The following CCDC141 variants were observed in gnomAD, a reference collection of about 807,000 sequenced individuals.
CCDC141 encodes the protein coiled-coil domain-containing protein 141.
CCDC141 carries 168 observed loss-of-function variants against 181.0 expected under a neutral mutation model. The observed-to-expected ratio is 0.93, with a 90% CI of 0.82 to 1.05. The LOEUF is 1.05. CCDC141 is among the 50% of genes least tolerant of loss of function. CCDC141 has a pLI of 0.00. For synonymous variants in CCDC141, 666 were observed against 642.3 expected (o/e 1.04, Z -0.56); for missense variants, 1,902 against 1,788.5 (o/e 1.06, Z -1.14).
intron 21 of CCDC141, among the ~76,000 whole-genome samples, chr2:178,847,092 A>C (rs901426697): frequency 6.6e-6 from 1 of 152,216 alleles, no homozygotes; most frequent in Admixed American, 6.5e-5. Context: ...GCTGATGCCT[A>C]TTTCTCTTGC....
At chr2:178,825,777 T>C (rs1684113549), downstream of CCDC141, among the ~76,000 whole-genome samples, 1 of 152,168 alleles carries the variant, frequency 6.6e-6, no homozygotes, top group Non-Finnish European at 1.5e-5. Context: ...AGATGCCTGA[T>C]CACTGCACTG....
chr2:179,013,412 T>C (rs564519925), intron 2 of CCDC141, among the ~76,000 whole-genome samples: 2 of 150,868 alleles, frequency 1.3e-5, no homozygotes, highest in African/African-American at 4.9e-5. Flanking sequence ...AACCAAGGAG[T>C]CAAAAGACCA....
chr2:178,915,095 C>T (rs1478727419), intron 7 of CCDC141, among the ~76,000 whole-genome samples: 2 of 151,914 alleles, frequency 1.3e-5, no homozygotes, highest in Non-Finnish European at 2.9e-5. Flanking sequence ...ATTACCTGAG[C>T]CCCGGAGGTC....
chr2:178,998,590 G>A (rs1017393267), intron 2 of CCDC141, among the ~76,000 whole-genome samples: 2 of 151,728 alleles, frequency 1.3e-5, no homozygotes, highest in Non-Finnish European at 2.9e-5. Flanking sequence ...ACCTCATTTT[G>A]GTCAACGCCA....
rs1449693492 is a variant in CCDC141 at position 178,918,869 on chromosome 2, T to G, written c.936A>C (p.Ala312=). ...AGTCCTTTGACAGCAGAATTCTCAG[T>G]GCCTCACTCTTCAGCTTCTCAACAG... ...NSAVEKLKSE[A]LRILLSKDYV... Residue 312 remains alanine, a synonymous_variant, in exon 7 of 24, where the codon GCA becomes GCC. Coordinates refer to ENST00000443758, the MANE Select transcript of CCDC141 (RefSeq NM_173648.4). 6.4e-7 allele frequency: 1 copy of G among 1,550,706 alleles called. No individual in the cohort carries two copies. Among genetic ancestry groups the G allele is most frequent in the Non-Finnish European group, 8.7e-7 (1 of 1,146,994 alleles).
At chr2:178,820,713 A>G in the CCDC141 span, among the ~76,000 whole-genome samples, 1 of 152,212 alleles carries the variant, frequency 6.6e-6, no homozygotes, top group Admixed American at 6.5e-5. Context: ...AAGCATTAGA[A>G]ATGTGTTAAA....
intron 17 of CCDC141, among the ~76,000 whole-genome samples, chr2:178,861,456 T>C (rs373315641): frequency 1.3e-5 from 2 of 151,880 alleles, no homozygotes; most frequent in East Asian, 3.9e-4. Flanking sequence ...GCCAACATGG[T>C]GAAACCCCAT....
chr2:179,015,286 C>CATATATTTCATCTATATCAT (rs1553502895), intron 2 of CCDC141, among the ~76,000 whole-genome samples: 1 of 120,860 alleles, frequency 8.3e-6, no homozygotes, highest in Non-Finnish European at 1.7e-5. Context: ...ATCTATCTCT[C>CATATATTTCATCTATATCAT]ATATATCTCA....
rs937934390 is a variant in CCDC141 at position 178,884,945 on chromosome 2, G to A, written c.1675C>T (p.Gln559Ter). 1.3e-6 allele frequency: 2 copies of A among 1,550,350 alleles called. No homozygotes were observed. The highest frequency in any genetic ancestry group is 2.4e-5 in the South Asian group (2 of 84,050). Reference protein sequence around the residue: ...LFGQSIDYRSQVLQTYVAFLK... With the variant: ...LFGQSIDYRS ...AATGCCACGTAAGTTTGCAGGACTT[G>A]CGATCTATAGTCAATGCTTTGGCCA... Residue 559 changes from glutamine to a stop codon, truncating the protein, a stop_gained, in exon 11 of 24, where the codon CAA becomes TAA. Transcript: ENST00000443758. LOFTEE classifies it high-confidence loss of function.
At position 178,850,196 on chromosome 2, in the gene CCDC141, T is replaced by A. The variant is rs1386394393; in HGVS notation, c.3245-35A>T. 1.3e-5 allele frequency: 15 copies of A among 1,165,698 alleles called. 1 individual carries two copies. Among genetic ancestry groups the A allele is most frequent in the Admixed American group, 3.5e-5 (2 of 56,456 alleles). 72.2% of individuals were successfully genotyped at this position (1,165,698 alleles called of 1,614,324 possible). On this transcript the variant is annotated intron_variant, in intron 20 of 23. Coordinates refer to ENST00000443758, the MANE Select transcript of CCDC141 (RefSeq NM_173648.4). ...AGAAGGATGAAACTAGTTTTAAAGG[T>A]CAAATTTTTAGCAAGAAGAAAAGTC...
At chr2:178,936,794 T>A (rs550341585) in intron 6 of CCDC141, among the ~76,000 whole-genome samples, 14 of 152,124 alleles carry the variant, frequency 9.2e-5, no homozygotes, top group African/African-American at 3.1e-4. Context: ...CTAATTCTCA[T>A]TGTAGAGATC....
chr2:178,817,937 G>A, the CCDC141 span, among the ~76,000 whole-genome samples: 3 of 151,914 alleles, frequency 2.0e-5, no homozygotes, highest in Non-Finnish European at 4.4e-5. Context: ...TGAGTAGCTG[G>A]GATTACAGGC....
intron 11 of CCDC141, among the ~76,000 whole-genome samples, chr2:178,881,191 T>C (rs994731275): frequency 1.6e-5 from 2 of 126,350 alleles, no homozygotes; most frequent in Non-Finnish European, 3.3e-5. Context: ...ATTCCACTTA[T>C]GTGAAATATC....
chr2:178,948,625 A>G (rs1210963103), intron 5 of CCDC141, among the ~76,000 whole-genome samples: 2 of 152,134 alleles, frequency 1.3e-5, no homozygotes, highest in Admixed American at 1.3e-4. Context: ...ATCTAATGGA[A>G]GGTATTTGGA....
At chr2:178,924,938 C>T (rs2154375313) in intron 6 of CCDC141, among the ~76,000 whole-genome samples, 1 of 152,304 alleles carries the variant, frequency 6.6e-6, no homozygotes, top group Middle Eastern at 3.4e-3. Context: ...TAAGTAGCTT[C>T]AGGAAGAAGA....
chr2:178,827,187 T>C (rs1411809738), downstream of CCDC141, among the ~76,000 whole-genome samples: 3 of 152,216 alleles, frequency 2.0e-5, no homozygotes, highest in Non-Finnish European at 4.4e-5. Flanking sequence ...ATTTCTTGTT[T>C]CATTCCATTG....
rs556756118 is a variant in CCDC141, at chr2:178,918,841, C to A, written c.964G>T (p.Val322Leu). Reference sequence around the variant, plus strand: ...GAGAGCTGGAGGTGTTCTTTCTCCACGTAGTCCTTTGACAGCAGAATTCTC... The same window carrying A: ...GAGAGCTGGAGGTGTTCTTTCTCCAAGTAGTCCTTTGACAGCAGAATTCTC... Reference protein sequence around the residue: ...ALRILLSKDYVEKEHLQLSHQ... With the variant: ...ALRILLSKDYLEKEHLQLSHQ... The change falls in exon 7 of 24, where the codon GTG becomes TTG. Residue 322 changes from valine to leucine, a missense_variant. By Grantham distance (32) the Val-to-Leu change is conservative. Transcript: ENST00000443758. 9 of 1,550,594 alleles carry A rather than the reference C, an allele frequency of 5.8e-6. No homozygotes were observed. The African/African-American group carries it at 6.8e-5, about 12-fold the overall frequency.
At chr2:178,928,559 GA>G (rs141470592) in intron 6 of CCDC141, among the ~76,000 whole-genome samples, 20 of 150,058 alleles carry the variant, frequency 1.3e-4, no homozygotes, top group Non-Finnish European at 2.2e-4. Context: ...CAAATGCCAG[GA>G]AAAAAAAAGA....
chr2:178,865,954 G>A (rs780048005), intron 16 of CCDC141, 38 bp from the exon 17 acceptor site: 11 of 1,393,208 alleles, frequency 7.9e-6, no homozygotes, highest in South Asian at 3.7e-5. Context: ...GAGAAAGGAC[G>A]AAACAGCAAT....
Sources: allele counts gnomAD v4.1 joint callset (sites outside exome capture counted in the v4.1 genomes callset), GRCh38; gene constraint gnomAD v4.1.1; transcripts MANE v1.5; gene names NCBI Gene and HGNC (gene_info 2026-07-23, HGNC 2026-07-21).